The following VAC14 variants were observed in gnomAD, a reference collection of about 807,000 sequenced individuals.
VAC14 encodes protein VAC14 homolog.
A neutral mutation model predicts 85.3 loss-of-function variants in VAC14; 47 were observed. The observed-to-expected ratio is 0.55, with a 90% CI of 0.44 to 0.70. VAC14 has a LOEUF of 0.70. Ranked by LOEUF, VAC14 falls within the 30% of genes least tolerant of loss-of-function variation. The pLI, the probability that VAC14 is intolerant of heterozygous loss-of-function variation, is 0.00. For synonymous variants in VAC14, 447 were observed against 430.5 expected (o/e 1.04, Z -0.47); for missense variants, 861 against 1,004.3 (o/e 0.86, Z 1.93).
At chr16:70,743,033 C>T (rs766240040) in intron 13 of VAC14, among the ~76,000 whole-genome samples, 18 of 151,992 alleles carry the variant, frequency 1.2e-4, no homozygotes, top group East Asian at 3.9e-4. Flanking sequence ...TCTGTAAAAA[C>T]GCACCAATCA....
chr16:70,710,436 G>A (rs190233681), intron 14 of VAC14, among the ~76,000 whole-genome samples: 2 of 152,198 alleles, frequency 1.3e-5, no homozygotes, highest in African/African-American at 4.8e-5. Flanking sequence ...CCTGCAAACC[G>A]CAGGGGGACT....
chr16:70,780,728 T>C, intron 9 of VAC14, 62 bp downstream of exon 9: 2 of 1,518,998 alleles, frequency 1.3e-6, no homozygotes, highest in South Asian at 1.3e-5. Flanking sequence ...AGGCAACTCC[T>C]ATGACATCTG....
At position 70,762,511 on chromosome 16, in the gene VAC14, CA is replaced by C; in HGVS notation, c.1371+28del. 1 of 1,611,964 alleles carries C rather than the reference CA, an allele frequency of 6.2e-7. No individual in the cohort carries two copies. Among genetic ancestry groups the C allele is most frequent in the South Asian group, 1.1e-5 (1 of 90,920 alleles). Reference sequence around the variant, plus strand: ...AGGGGAGGCAGGGCAGCCGATGTTCCATAAGTACGGGTGGCGTTGGTGACCT... The same window carrying C: ...AGGGGAGGCAGGGCAGCCGATGTTCCTAAGTACGGGTGGCGTTGGTGACCT... On this transcript the variant is annotated intron_variant, in intron 12 of 18. Coordinates refer to ENST00000261776, the MANE Select transcript of VAC14 (RefSeq NM_018052.5). The surrounding 1 kb of genome is among the most constrained non-coding windows in gnomAD (Gnocchi z 4.1).
intron 14 of VAC14, among the ~76,000 whole-genome samples, chr16:70,717,070 C>T (rs1289246337): frequency 6.6e-6 from 1 of 152,270 alleles, no homozygotes; most frequent in Non-Finnish European, 1.5e-5. Flanking sequence ...CCATTGTTGG[C>T]TCTGCCTCCT....
chr16:70,724,881 C>T lies in VAC14; in HGVS notation c.1661+6614G>A, dbSNP rs749879650. ...CCCTCAGCTGGGGGCCCAATCGATACGGCTACGGACTTATGAAAGATCAAA... is the reference window on the plus strand; with the variant it reads ...CCCTCAGCTGGGGGCCCAATCGATATGGCTACGGACTTATGAAAGATCAAA... On this transcript the variant is annotated intron_variant, in intron 14 of 18. Coordinates refer to ENST00000261776, the MANE Select transcript of VAC14 (RefSeq NM_018052.5). Among the ~76,000 whole-genome samples the T allele has an allele frequency of 2.6e-5, 4 of 152,350 alleles. No homozygotes were observed. The South Asian group carries it at 6.2e-4, about 24-fold the overall frequency.
chr16:70,761,904 A>T (rs1392283119), intron 12 of VAC14, among the ~76,000 whole-genome samples: 1 of 152,170 alleles, frequency 6.6e-6, no homozygotes, highest in African/African-American at 2.4e-5. Context: ...TTTCCCTCTC[A>T]CATCCCCCTA....
intron 1 of VAC14, among the ~76,000 whole-genome samples, chr16:70,799,972 A>T: frequency 6.6e-6 from 1 of 152,260 alleles, no homozygotes; most frequent in East Asian, 1.9e-4. Flanking sequence ...TCTACTGGAC[A>T]GAACAGAAAT....
intron 1 of VAC14, among the ~76,000 whole-genome samples, chr16:70,796,820 A>G (rs2034565509): frequency 6.6e-6 from 1 of 152,228 alleles, no homozygotes; most frequent in Non-Finnish European, 1.5e-5. Flanking sequence ...CATATATTGA[A>G]GTTCTGATCC....
intron 13 of VAC14, among the ~76,000 whole-genome samples, chr16:70,733,696 A>G (rs1031706473): frequency 6.6e-6 from 1 of 151,900 alleles, no homozygotes; most frequent in African/African-American, 2.4e-5. Context: ...GCCTTCCACT[A>G]TGATTGTAAA....
At chr16:70,746,593 C>T (rs2030911272) in intron 12 of VAC14, among the ~76,000 whole-genome samples, 1 of 152,194 alleles carries the variant, frequency 6.6e-6, no homozygotes, top group Non-Finnish European at 1.5e-5. Flanking sequence ...AGCCGGGGAG[C>T]CCTGGGTGGG....
At chr16:70,798,344 G>C (rs2034633953) in intron 1 of VAC14, among the ~76,000 whole-genome samples, 1 of 152,102 alleles carries the variant, frequency 6.6e-6, no homozygotes, top group South Asian at 2.1e-4. Context: ...TCTTTTGTTG[G>C]GCATCTGCAG....
chr16:70,707,084 G>A (rs192190574), intron 14 of VAC14, among the ~76,000 whole-genome samples: 147 of 152,322 alleles, frequency 9.7e-4, no homozygotes, highest in Middle Eastern at 3.4e-3. Flanking sequence ...GGGAGAGGAG[G>A]GAGTAGCCTC....
At chr16:70,718,430 G>C (rs571992058) in intron 14 of VAC14, among the ~76,000 whole-genome samples, 63 of 152,110 alleles carry the variant, frequency 4.1e-4, no homozygotes, top group Admixed American at 7.2e-4. Flanking sequence ...AAATTAGCCG[G>C]GTGTGGTCGT....
In VAC14 at chr16:70,698,589, C is replaced by T. The variant is rs2242127; in HGVS notation, c.1836+48G>A. ...GGGCGGGCTCACACAGGGTGTGCCC[C>T]CTGGCATGCAGGAGACGCCTGAGGA... On this transcript the variant is annotated intron_variant, in intron 15 of 18. Coordinates refer to ENST00000261776, the MANE Select transcript of VAC14 (RefSeq NM_018052.5). 2.3e-3 allele frequency: 3,746 copies of T among 1,607,642 alleles called. 131 individuals carry two copies. In the East Asian group the frequency reaches 0.069, roughly 29 times the overall value.
chr16:70,740,653 G>C (rs2030188172), intron 13 of VAC14, among the ~76,000 whole-genome samples: 1 of 152,196 alleles, frequency 6.6e-6, no homozygotes, highest in Non-Finnish European at 1.5e-5. Flanking sequence ...AGACACAGGA[G>C]ATCCCAGGGG....
In VAC14 at chr16:70,731,542, G is replaced by A; in HGVS notation, c.1614C>T (p.Phe538=). ...CCTCCAGGAGCTTCCGTTCGCTGCT[G>A]AATCTCTTGAGAAGGTTGATCATGA... ...YKFMINLLKR[F]SSERKLLEVR... Residue 538 remains phenylalanine (F), a synonymous_variant, in exon 14 of 19, where the codon TTC becomes TTT. Transcript: ENST00000261776. The A allele has an allele frequency of 1.9e-6, 3 of 1,614,184 alleles. No individual in the cohort carries two copies. The highest frequency in any genetic ancestry group is 2.5e-6 in the Non-Finnish European group (3 of 1,180,024).
intron 9 of VAC14, among the ~76,000 whole-genome samples, chr16:70,778,244 C>T (rs1348608423): frequency 6.6e-6 from 1 of 152,108 alleles, no homozygotes; most frequent in Non-Finnish European, 1.5e-5. Flanking sequence ...GGGCCTCCCG[C>T]GTGGCAGGCG....
chr16:70,753,950 G>A (rs1301935870), intron 12 of VAC14, among the ~76,000 whole-genome samples: 3 of 152,132 alleles, frequency 2.0e-5, no homozygotes, highest in African/African-American at 4.8e-5. Flanking sequence ...AGGCCCTGCC[G>A]CTGGGAGAGC....
intron 14 of VAC14, among the ~76,000 whole-genome samples, chr16:70,712,209 C>T (rs527751882): frequency 1.4e-4 from 22 of 152,228 alleles, no homozygotes; most frequent in South Asian, 4.1e-4. Flanking sequence ...GGATTAAACG[C>T]GTGAGAAATA....
Sources: allele counts gnomAD v4.1 joint callset (sites outside exome capture counted in the v4.1 genomes callset), GRCh38; gene constraint gnomAD v4.1.1; non-coding constraint Gnocchi (gnomAD v3.1); transcripts MANE v1.5; gene names NCBI Gene and HGNC (gene_info 2026-07-23, HGNC 2026-07-21).